Variants in TRMT10B observed in about 807,000 individuals in gnomAD.
TRMT10B encodes tRNA methyltransferase 10 homolog B.
A neutral mutation model predicts 43.8 loss-of-function variants in TRMT10B; 33 were observed. The ratio of observed to expected loss-of-function variants is 0.75; its 90% CI spans 0.57 to 1.01. TRMT10B has a LOEUF of 1.01. TRMT10B is among the 50% of genes least tolerant of loss of function. The probability of loss-of-function intolerance (pLI) is 0.00; values close to 1 mark genes in which losing one functional copy is unlikely to be tolerated. For missense variants in TRMT10B, 362 were observed against 369.8 expected (o/e 0.98, Z 0.17); for synonymous variants, 137 against 130.6 (o/e 1.05, Z -0.34).
chr9:37,761,047 T>C (rs1409145), intron 1 of TRMT10B, among the ~76,000 whole-genome samples: 19,464 of 152,182 alleles, frequency 0.13, 1,413 homozygotes, highest in Non-Finnish European at 0.16. Context: ...TGCAGTGGTA[T>C]TCAACTGAGT....
chr9:37,768,312 A>G (rs1310698160), intron 5 of TRMT10B, 84 bp downstream of exon 5: 1 of 1,416,684 alleles, frequency 7.1e-7, no homozygotes, highest in Non-Finnish European at 9.5e-7. Context: ...TTTTTCATAT[A>G]TGTTACATTT....
rs548082539 is a variant in TRMT10B at position 37,777,823 on chromosome 9, T to C, written c.*116T>C. 1.3e-6 allele frequency: 1 copy of C among 745,312 alleles called. No individual in the cohort carries two copies. Among genetic ancestry groups the C allele is most frequent in the South Asian group, 1.6e-5 (1 of 61,682 alleles). 46.2% of individuals were successfully genotyped at this position (745,312 alleles called of 1,614,324 possible). On this transcript the variant is annotated 3_prime_UTR_variant, in exon 9 of 9. Coordinates refer to ENST00000297994, the MANE Select transcript of TRMT10B (RefSeq NM_144964.4). ...GAGTTCACGACCAGCCTGGCCAACA[T>C]GGTGAAACCCTTCTCTACTGAAAAT...
chr9:37,770,930 C>T (rs1352941097), intron 7 of TRMT10B, among the ~76,000 whole-genome samples, 191 bp downstream of exon 7: 2 of 152,210 alleles, frequency 1.3e-5, no homozygotes, highest in Non-Finnish European at 2.9e-5. Context: ...TCAGCGAAAT[C>T]AAGAGTCGGG....
At chr9:37,774,583 T>C (rs1405536748) in intron 7 of TRMT10B, among the ~76,000 whole-genome samples, 1 of 152,230 alleles carries the variant, frequency 6.6e-6, no homozygotes, top group African/African-American at 2.4e-5. Context: ...CACCCAAATA[T>C]CCTAATTTTG....
At chr9:37,770,937 C>T (rs945245926) in intron 7 of TRMT10B, among the ~76,000 whole-genome samples, 198 bp downstream of exon 7, 2 of 152,186 alleles carry the variant, frequency 1.3e-5, no homozygotes, top group South Asian at 2.1e-4. Context: ...AATCAAGAGT[C>T]GGGAACTGGA....
At chr9:37,753,197 A>C (rs1318283756), upstream of TRMT10B, among the ~76,000 whole-genome samples, 2 of 152,226 alleles carry the variant, frequency 1.3e-5, no homozygotes, top group Non-Finnish European at 2.9e-5. Flanking sequence ...CCAGACACGC[A>C]GTCTTTAAGA....
chr9:37,762,866 CTCACACCTGTAA>C lies in TRMT10B; in HGVS notation c.295+184_295+195del, dbSNP rs1205413311. ...CAAAATTTGTAGCTGGGTGTGGTGG[CTCACACCTGTAA>C]TCCCAGCACTTTGGGAGGCTGAGGT... On this transcript the variant is annotated intron_variant, in intron 3 of 8. Transcript: ENST00000297994. 7.9e-5 allele frequency among the ~76,000 whole-genome samples: 12 copies of C among 151,746 alleles called. No individual in the cohort carries two copies. The South Asian group carries it at 2.1e-3, about 26-fold the overall frequency.
At chr9:37,756,994 C>T (rs1432145267) in intron 1 of TRMT10B, among the ~76,000 whole-genome samples, 11 of 148,168 alleles carry the variant, frequency 7.4e-5, no homozygotes, top group Non-Finnish European at 1.5e-4. Flanking sequence ...CATAGCAAGA[C>T]CTATCTCTTA....
At chr9:37,760,350 C>T (rs1298140834) in intron 1 of TRMT10B, among the ~76,000 whole-genome samples, 4 of 152,028 alleles carry the variant, frequency 2.6e-5, no homozygotes, top group African/African-American at 9.7e-5. Flanking sequence ...AGGGGTTGAC[C>T]CCTATCTCTA....
At chr9:37,767,162 G>C (rs970430695) in intron 4 of TRMT10B, 6 of 152,102 alleles carry the variant, frequency 3.9e-5, no homozygotes, top group African/African-American at 9.7e-5. Context: ...GAAAACTGCA[G>C]ATCTGAGGTT....
chr9:37,767,993 G>T, intron 4 of TRMT10B, 83 bp from the exon 5 acceptor site: 2 of 1,528,546 alleles, frequency 1.3e-6, no homozygotes, highest in Middle Eastern at 1.7e-4. Flanking sequence ...AGCGTTCAGT[G>T]AACTTATTGT....
rs1827401248 is a variant in TRMT10B at position 37,770,090 on chromosome 9, T to G, written c.652+71T>G. 2.6e-5 allele frequency: 36 copies of G among 1,383,750 alleles called. No homozygotes were observed. In the South Asian group the frequency reaches 4.0e-4, roughly 16 times the overall value. The allele number at this position is 1,383,750 out of a possible 1,614,324, so 85.7% of individuals were successfully genotyped here. A position where few individuals can be genotyped will look rare whatever the true frequency, so the allele number is the denominator to read the frequency against. ...TTTCATTATTCCCTGTGGCAGAATT[T>G]ATTAAAGCCCCTCAAGAAGGACACC... On this transcript the variant is annotated intron_variant, in intron 6 of 8. Transcript: ENST00000297994.
intron 1 of TRMT10B, among the ~76,000 whole-genome samples, chr9:37,757,629 T>A (rs182658332): frequency 6.6e-6 from 1 of 152,250 alleles, no homozygotes; most frequent in Non-Finnish European, 1.5e-5. Flanking sequence ...GTTCACATGA[T>A]AAGTCATGAA....
chr9:37,776,301 C>T lies in TRMT10B; in HGVS notation c.740C>T (p.Ala247Val), dbSNP rs778462040. The T allele has an allele frequency of 6.3e-7, 1 of 1,578,136 alleles. No homozygotes were observed. The highest frequency in any genetic ancestry group is 8.6e-7 in the Non-Finnish European group (1 of 1,164,540). The change falls in exon 8 of 9, where the codon GCC becomes GTC. Residue 247 changes from alanine (A) to valine (V), a missense_variant. Physicochemically the swap from Ala to Val is moderately conservative, Grantham distance 64 (BLOSUM62 0). Coordinates refer to ENST00000297994, the MANE Select transcript of TRMT10B (RefSeq NM_144964.4). ...SIQKKVTFQK[A>V]REYSVKTARL... ...TTACAGAAGGTGACATTTCAAAAGG[C>T]CCGGGAATACTCTGTCAAGACCGCA... is the stretch of plus-strand genomic sequence containing the variant.
chr9:37,762,113 G>T lies in TRMT10B; in HGVS notation c.182G>T (p.Cys61Phe). Reference sequence around the variant, plus strand: ...CTGGCCACAGGCAGTACGGCATGGTGCTCGGTGAGTGCGTGAATTGCCTGG... The same window carrying T: ...CTGGCCACAGGCAGTACGGCATGGTTCTCGGTGAGTGCGTGAATTGCCTGG... ...EILATGSTAW[C>F]SKNVQRKQRH... is the part of the protein sequence containing the mutation. The change falls in exon 2 of 9, where the codon TGC becomes TTC. Residue 61 changes from cysteine to phenylalanine, a missense_variant. Transcript: ENST00000297994. 1.2e-6 allele frequency: 2 copies of T among 1,612,452 alleles called. No homozygotes were observed. Among genetic ancestry groups the T allele is most frequent in the Non-Finnish European group, 1.7e-6 (2 of 1,178,896 alleles).
chr9:37,754,395 C>A (rs893775933), intron 1 of TRMT10B, among the ~76,000 whole-genome samples: 1 of 152,148 alleles, frequency 6.6e-6, no homozygotes, highest in Non-Finnish European at 1.5e-5. Context: ...GTTTGAGGAA[C>A]AGCAAATAGA....
chr9:37,769,142 T>C (rs891318623), intron 5 of TRMT10B, among the ~76,000 whole-genome samples: 10 of 151,776 alleles, frequency 6.6e-5, no homozygotes, highest in East Asian at 1.9e-4. Context: ...ACCCCGTCCC[T>C]ACTAAAAATA....
upstream of TRMT10B, among the ~76,000 whole-genome samples, chr9:37,753,104 A>G (rs7860847): frequency 0.014 from 2,163 of 151,370 alleles, 25 homozygotes; most frequent in Middle Eastern, 0.041. Context: ...GTGCCCTCTT[A>G]AGAGATTTAA....
intron 6 of TRMT10B, 122 bp downstream of exon 6, chr9:37,770,141 GC>G: frequency 3.5e-6 from 3 of 851,844 alleles, no homozygotes; most frequent in Non-Finnish European, 6.0e-6. Context: ...AAAAAGTAAT[GC>G]ACATGAGCAG....
Sources: allele counts gnomAD v4.1 joint callset (sites outside exome capture counted in the v4.1 genomes callset), GRCh38; gene constraint gnomAD v4.1.1; transcripts MANE v1.5; gene names NCBI Gene and HGNC (gene_info 2026-07-23, HGNC 2026-07-21).